Variants in GAS7 observed in about 807,000 individuals in gnomAD.
The protein encoded by GAS7 is growth arrest specific 7, also known as growth arrest-specific protein 7.
In GAS7, 28 loss-of-function variants were observed where a neutral mutation model predicts 71.1. The ratio of observed to expected loss-of-function variants is 0.39; its 90% confidence interval spans 0.29 to 0.54. GAS7 has a LOEUF of 0.54. Among genes scored for constraint, GAS7 ranks in the 20% least tolerant of loss-of-function variants. The pLI, the probability that GAS7 is intolerant of heterozygous loss-of-function variation, is 0.62. For missense variants in GAS7, 436 were observed against 627.8 expected (o/e 0.69, Z 3.27); for synonymous variants, 258 against 245.8 (o/e 1.05, Z -0.46).
At chr17:10,118,247 G>A (rs980499231) in intron 1 of GAS7, among the ~76,000 whole-genome samples, 8 of 152,168 alleles carry the variant, frequency 5.3e-5, no homozygotes, top group Non-Finnish European at 1.0e-4. Flanking sequence ...GTATTTTTCC[G>A]CTTCTCACAG....
chr17:10,119,601 C>G (rs974402675), intron 1 of GAS7, among the ~76,000 whole-genome samples: 1 of 152,194 alleles, frequency 6.6e-6, no homozygotes, highest in Non-Finnish European at 1.5e-5. Flanking sequence ...ACACACCACA[C>G]CCTGAGTTAG....
intron 3 of GAS7, among the ~76,000 whole-genome samples, chr17:9,980,591 T>A (rs1394008524): frequency 1.3e-5 from 2 of 152,224 alleles, no homozygotes; most frequent in African/African-American, 4.8e-5. Context: ...GATTGACTCC[T>A]GAAGTCGAAA....
chr17:10,057,567 C>T (rs2073159956), intron 1 of GAS7, among the ~76,000 whole-genome samples: 1 of 151,850 alleles, frequency 6.6e-6, no homozygotes. Context: ...GCAGCCGCCC[C>T]GTCAGGGAGG....
Position 9,959,294 on chromosome 17 carries a change from C to A in GAS7, c.472-39G>T. ...CAAGAAACATCGTCAAAGCTGTTCT[C>A]CATATTGGACATTTTTTCCCCCCAT... is the stretch of plus-strand genomic sequence containing the variant. On this transcript the variant is annotated intron_variant, in intron 4 of 13. Transcript: ENST00000432992. This position sits in a 1 kb window ranked among gnomAD's most constrained non-coding sequence, Gnocchi z 5.0. 1 of 1,613,898 alleles carries A rather than the reference C, an allele frequency of 6.2e-7. No homozygotes were observed. Among genetic ancestry groups the A allele is most frequent in the South Asian group, 1.1e-5 (1 of 90,994 alleles).
chr17:10,161,593 C>T (rs2074256554), intron 1 of GAS7, among the ~76,000 whole-genome samples: 1 of 152,230 alleles, frequency 6.6e-6, no homozygotes, highest in South Asian at 2.1e-4. Context: ...TGCAGACTCA[C>T]ATTCCCACAC....
intron 2 of GAS7, among the ~76,000 whole-genome samples, chr17:10,014,934 T>C (rs951914651): frequency 1.3e-5 from 2 of 151,878 alleles, no homozygotes; most frequent in African/African-American, 4.8e-5. Context: ...GAGGGGTGGA[T>C]CATGAGGTCA....
At chr17:9,983,783 T>C (rs1315460672) in intron 2 of GAS7, among the ~76,000 whole-genome samples, 2 of 152,080 alleles carry the variant, frequency 1.3e-5, no homozygotes, top group Admixed American at 1.3e-4. Flanking sequence ...TGAGACTCCA[T>C]CTCAAAAATA....
chr17:9,955,903 C>G (rs1241763543), intron 5 of GAS7, among the ~76,000 whole-genome samples: 1 of 152,204 alleles, frequency 6.6e-6, no homozygotes, highest in East Asian at 1.9e-4. Flanking sequence ...CATCGCTCCC[C>G]AGCTGCTGGG....
At chr17:9,943,808 T>C (rs1567804164) in intron 6 of GAS7, among the ~76,000 whole-genome samples, 1 of 152,220 alleles carries the variant, frequency 6.6e-6, no homozygotes, top group African/African-American at 2.4e-5. Flanking sequence ...CAGGCTGCCC[T>C]GAAATACTAG....
chr17:10,194,365 G>T (rs1027831708), intron 1 of GAS7, among the ~76,000 whole-genome samples: 1 of 152,176 alleles, frequency 6.6e-6, no homozygotes, highest in East Asian at 1.9e-4. Flanking sequence ...GGAAAGTACA[G>T]GCCACAGGAA....
rs1269009381 is a variant in GAS7, at chr17:9,979,864, A to T, written c.385+1940T>A. Among the ~76,000 whole-genome samples, 3 of 147,708 alleles carry T rather than the reference A, an allele frequency of 2.0e-5. No homozygotes were observed. In the East Asian group the frequency reaches 6.0e-4, roughly 30 times the overall value. ...TCGCACTGGCATTTTGATTGTTTTA[A>T]AAAAAAAAAAAAACACAAGAACAAC... On this transcript the variant is annotated intron_variant, in intron 3 of 13. Coordinates refer to ENST00000432992, the MANE Select transcript of GAS7 (RefSeq NM_201433.2).
intron 1 of GAS7, among the ~76,000 whole-genome samples, chr17:10,046,254 G>T (rs2072953409): frequency 6.6e-6 from 1 of 152,192 alleles, no homozygotes; most frequent in Admixed American, 6.5e-5. Context: ...GGCAAAAGGA[G>T]ATGCAGGGGA....
intron 1 of GAS7, among the ~76,000 whole-genome samples, chr17:10,115,867 C>T (rs1045256029): frequency 5.3e-5 from 8 of 152,138 alleles, no homozygotes; most frequent in African/African-American, 1.4e-4. Flanking sequence ...GTACCTTCTA[C>T]GAGTGAGGCA....
At chr17:10,059,652 T>G in intron 1 of GAS7, 1 of 979,774 alleles carries the variant, frequency 1.0e-6, no homozygotes, top group Non-Finnish European at 1.2e-6. Flanking sequence ...TTCGAGCATC[T>G]GCATCAAAGA....
intron 1 of GAS7, among the ~76,000 whole-genome samples, chr17:10,041,190 G>A (rs997631782): frequency 6.7e-6 from 1 of 149,832 alleles, no homozygotes; most frequent in African/African-American, 2.5e-5. Flanking sequence ...GAAGGTAAAA[G>A]CAAAACTTCA....
At chr17:10,193,566 T>C (rs899084909) in intron 1 of GAS7, among the ~76,000 whole-genome samples, 11 of 152,250 alleles carry the variant, frequency 7.2e-5, no homozygotes, top group Non-Finnish European at 1.0e-4. Context: ...ATGCCAGTTC[T>C]GGGCCCAGAC....
intron 1 of GAS7, among the ~76,000 whole-genome samples, chr17:10,168,346 A>T (rs2074310517): frequency 6.6e-6 from 1 of 152,236 alleles, no homozygotes; most frequent in Non-Finnish European, 1.5e-5. Context: ...TAAACCCACA[A>T]ATCATCAGAG....
chr17:9,949,201 G>C (rs1291322743), intron 5 of GAS7, among the ~76,000 whole-genome samples: 2 of 147,224 alleles, frequency 1.4e-5, no homozygotes, highest in African/African-American at 5.4e-5. Context: ...TTTGGGCAGG[G>C]GCCAGAGGCT....
At chr17:10,124,780 T>C (rs1172959468) in intron 1 of GAS7, among the ~76,000 whole-genome samples, 1 of 151,986 alleles carries the variant, frequency 6.6e-6, no homozygotes, top group East Asian at 1.9e-4. Flanking sequence ...TAGCTGAGCA[T>C]GGTGGTGCGC....
Sources: allele counts gnomAD v4.1 joint callset (sites outside exome capture counted in the v4.1 genomes callset), GRCh38; gene constraint gnomAD v4.1.1; non-coding constraint Gnocchi (gnomAD v3.1); transcripts MANE v1.5; gene names NCBI Gene and HGNC (gene_info 2026-07-23, HGNC 2026-07-21).